SUPT3H: variants seen among roughly 807,000 people sequenced by gnomAD.
The protein encoded by SUPT3H is transcription initiation protein SPT3 homolog.
A neutral mutation model predicts 44.3 loss-of-function variants in SUPT3H; 44 were observed. The observed-to-expected ratio is 0.99, with a 90% CI of 0.78 to 1.28. SUPT3H has a LOEUF of 1.28. SUPT3H is among the 50% of genes most tolerant of loss of function. The probability of loss-of-function intolerance (pLI) is 0.00; values close to 1 mark genes in which losing one functional copy is unlikely to be tolerated. For missense variants in SUPT3H, 380 were observed against 387.1 expected (o/e 0.98, Z 0.15); for synonymous variants, 124 against 125.6 (o/e 0.99, Z 0.09).
intron 2 of SUPT3H, among the ~76,000 whole-genome samples, chr6:45,342,619 AG>A (rs1790028705): frequency 6.6e-6 from 1 of 152,166 alleles, no homozygotes; most frequent in Non-Finnish European, 1.5e-5. Context: ...AACTCAAAAC[AG>A]TCATAATATA....
intron 2 of SUPT3H, among the ~76,000 whole-genome samples, chr6:45,145,352 G>A (rs1278584346): frequency 6.6e-6 from 1 of 152,038 alleles, no homozygotes; most frequent in Non-Finnish European, 1.5e-5. Flanking sequence ...AGAGAACTCA[G>A]AAATAAAGCC....
intron 10 of SUPT3H, among the ~76,000 whole-genome samples, chr6:44,838,920 CAG>C (rs1261164617): frequency 1.3e-5 from 2 of 152,182 alleles, no homozygotes; most frequent in Admixed American, 6.5e-5. Context: ...ATTTCTAAAA[CAG>C]AGTTGTGTTA....
chr6:44,954,019 A>G (rs968603215), intron 8 of SUPT3H, among the ~76,000 whole-genome samples: 1 of 152,088 alleles, frequency 6.6e-6, no homozygotes, highest in East Asian at 1.9e-4. Flanking sequence ...ATTACAGGCA[A>G]GAGCCACCGC....
chr6:44,901,596 T>C (rs1357231158), intron 10 of SUPT3H, among the ~76,000 whole-genome samples: 2 of 151,844 alleles, frequency 1.3e-5, no homozygotes, highest in South Asian at 4.2e-4. Context: ...TGGAAAACAC[T>C]CTGCAGGATA....
intron 10 of SUPT3H, among the ~76,000 whole-genome samples, chr6:44,855,568 C>T (rs1040308470): frequency 2.0e-5 from 3 of 152,018 alleles, no homozygotes; most frequent in Admixed American, 2.0e-4. Flanking sequence ...CCAGTTTCTT[C>T]AAATATTGCA....
At chr6:45,030,712 T>C (rs1240069000) in intron 3 of SUPT3H, among the ~76,000 whole-genome samples, 3 of 152,320 alleles carry the variant, frequency 2.0e-5, no homozygotes, top group South Asian at 2.1e-4. Flanking sequence ...AGAATAATTA[T>C]GGGGAGTAAG....
intron 10 of SUPT3H, among the ~76,000 whole-genome samples, chr6:44,843,927 G>GCACACACA (rs56329630): frequency 2.0e-5 from 3 of 148,112 alleles, no homozygotes; most frequent in African/African-American, 7.5e-5. Flanking sequence ...ACACACACAC[G>GCACACACA]CACACACACA....
intron 2 of SUPT3H, among the ~76,000 whole-genome samples, chr6:45,144,877 A>G (rs973421129): frequency 2.6e-5 from 4 of 152,122 alleles, no homozygotes; most frequent in Non-Finnish European, 5.9e-5. Flanking sequence ...TACACTAACA[A>G]CGACGAAGCT....
chr6:45,306,447 A>G (rs1480595745), intron 2 of SUPT3H, among the ~76,000 whole-genome samples: 1 of 152,090 alleles, frequency 6.6e-6, no homozygotes, highest in African/African-American at 2.4e-5. Context: ...AGCTACACAG[A>G]TTACCCAGCT....
At chr6:44,954,978 T>G (rs960910447) in intron 7 of SUPT3H, among the ~76,000 whole-genome samples, 1 of 152,240 alleles carries the variant, frequency 6.6e-6, no homozygotes. Flanking sequence ...TGATGTAACC[T>G]TAATTTACTC....
intron 1 of SUPT3H, among the ~76,000 whole-genome samples, chr6:45,369,928 T>G (rs1316730755): frequency 2.6e-5 from 4 of 152,038 alleles, no homozygotes; most frequent in Admixed American, 2.6e-4. Flanking sequence ...AGTACCAAAA[T>G]CCTGTGGCCA....
chr6:45,220,809 G>A (rs1376782818), intron 2 of SUPT3H, among the ~76,000 whole-genome samples: 1 of 152,198 alleles, frequency 6.6e-6, no homozygotes, highest in Non-Finnish European at 1.5e-5. Context: ...GTGGAAGATA[G>A]TGTGGCGATT....
intron 5 of SUPT3H, among the ~76,000 whole-genome samples, chr6:45,008,460 T>C (rs1402362363): frequency 1.3e-5 from 2 of 152,140 alleles, no homozygotes; most frequent in South Asian, 2.1e-4. Context: ...GCTCAAGTAA[T>C]CTTCCCACCT....
intron 2 of SUPT3H, among the ~76,000 whole-genome samples, chr6:45,185,478 C>G (rs1814044571): frequency 6.6e-6 from 1 of 152,066 alleles, no homozygotes; most frequent in Admixed American, 6.5e-5. Context: ...TGGGAGGAGT[C>G]TTAGGGAAAA....
chr6:45,159,570 AACTC>A (rs1243844830), intron 2 of SUPT3H: 1 of 152,152 alleles, frequency 6.6e-6, no homozygotes, highest in Admixed American at 6.6e-5. Context: ...ATTCACCCAT[AACTC>A]ACAATTCATC....
intron 2 of SUPT3H, among the ~76,000 whole-genome samples, chr6:45,108,807 T>C (rs1799650223): frequency 6.6e-6 from 1 of 152,104 alleles, no homozygotes; most frequent in South Asian, 2.1e-4. Context: ...TCAGTCAATA[T>C]AATATTTAAG....
chr6:45,064,655 C>T (rs199934843), intron 3 of SUPT3H, among the ~76,000 whole-genome samples: 15,007 of 127,642 alleles, frequency 0.12, 965 homozygotes, highest in East Asian at 0.24. Flanking sequence ...GCAGGGGTTG[C>T]AATCCTAGTC....
chr6:44,963,084 A>G (rs1021179025), intron 6 of SUPT3H, among the ~76,000 whole-genome samples: 3 of 151,360 alleles, frequency 2.0e-5, no homozygotes. Context: ...TACACATATA[A>G]AGATAAATAT....
At chr6:45,377,630 C>G (rs1301172281) in intron 1 of SUPT3H, 138 bp downstream of exon 1, 1 of 152,240 alleles carries the variant, frequency 6.6e-6, no homozygotes, top group African/African-American at 2.4e-5. Context: ...AAGACCCAGG[C>G]AGCCGCCCTC....
Sources: allele counts gnomAD v4.1 joint callset (sites outside exome capture counted in the v4.1 genomes callset), GRCh38; gene constraint gnomAD v4.1.1; transcripts MANE v1.5; gene names NCBI Gene and HGNC (gene_info 2026-07-23, HGNC 2026-07-21).